GPR173: variants seen among roughly 807,000 people sequenced by gnomAD.
GPR173 encodes the protein probable G protein-coupled receptor 173.
Under a neutral mutation model 13.9 loss-of-function variants are expected in GPR173, and 2 were observed. The observed-to-expected ratio is 0.14, with a 90% confidence interval of 0.06 to 0.45. The LOEUF is 0.45. Among genes scored for constraint, GPR173 ranks in the 20% least tolerant of loss-of-function variants. GPR173 has a pLI of 0.98. For synonymous variants in GPR173, 131 were observed against 141.0 expected (o/e 0.93, Z 0.50); for missense variants, 202 against 340.5 (o/e 0.59, Z 3.20).
chrX:53,077,765 G>A lies in GPR173; in HGVS notation c.*22G>A. The A allele has an allele frequency of 8.5e-7, 1 of 1,175,823 alleles. No individual in the cohort carries two copies. Among genetic ancestry groups the A allele is most frequent in the South Asian group, 1.8e-5 (1 of 54,325 alleles). ...GTGAAGCAGGCTGGTAGGCAGACAG[G>A]CAGAGAGAAGGTCATGGCCACCGTG... On this transcript the variant is annotated 3_prime_UTR_variant, in exon 2 of 2. Transcript: ENST00000332582.
rs1556805987 is a variant in GPR173, at chrX:53,077,360, G to A, written c.739G>A (p.Ala247Thr). The A allele has an allele frequency of 1.7e-6, 2 of 1,196,529 alleles. No homozygotes were observed. The highest frequency in any genetic ancestry group is 3.6e-5 in the South Asian group (2 of 55,146). The change falls in exon 2 of 2, where the codon GCC becomes ACC. Residue 247 changes from alanine (A) to threonine (T), a missense_variant. By Grantham distance (58) the Ala-to-Thr change is moderately conservative (BLOSUM62 0). Transcript: ENST00000332582. ...ATGQAAANWI[A>T]GFGRGPMPPT... ...CGGCCAGGCTGCTGCCAACTGGATC[G>A]CCGGCTTTGGCCGTGGGCCCATGCC...
intron 1 of GPR173, among the ~76,000 whole-genome samples, chrX:53,063,851 T>A (rs1405000071): frequency 2.7e-5 from 3 of 111,435 alleles, no homozygotes. Flanking sequence ...GGAGACCTCA[T>A]CAAAATGGCC....
Position 53,049,063 on chromosome X carries a change from G to C in GPR173, c.-519G>C, listed in dbSNP as rs782016471. ...GGCGGCCAGCAGGCAGACGGAGGGG[G>C]GGGGTGGGGGGTGGGGGGGGTAGGG... On this transcript the variant is annotated 5_prime_UTR_variant, in exon 1 of 2. Transcript: ENST00000332582. 9.5e-6 allele frequency: 1 copy of C among 105,473 alleles called. No individual in the cohort carries two copies. The highest frequency in any genetic ancestry group is 3.2e-4 in the East Asian group (1 of 3,145). 8.7% of individuals were successfully genotyped at this position (105,473 alleles called of 1,213,427 possible). A position where few individuals can be genotyped will look rare whatever the true frequency, so the allele number is the denominator to read the frequency against.
chrX:53,049,935 GGTGTGTGTGTGT>G (rs782209160), intron 1 of GPR173, among the ~76,000 whole-genome samples: 76 of 93,010 alleles, frequency 8.2e-4, no homozygotes, highest in South Asian at 5.7e-3. Context: ...CTGCTGGCCG[GGTGTGTGTGTGT>G]GTGTGTGTGT....
Position 53,078,078 on chromosome X carries a change from C to A in GPR173, c.*335C>A. 3.8e-6 allele frequency: 1 copy of A among 259,759 alleles called. No individual in the cohort carries two copies. The highest frequency in any genetic ancestry group is 7.2e-6 in the Non-Finnish European group (1 of 139,777). The allele number at this position is 259,759 out of a possible 1,213,427, so 21.4% of individuals were successfully genotyped here. A position where few individuals can be genotyped will look rare whatever the true frequency, so the allele number is the denominator to read the frequency against. ...GACAATTCAGAAAAAGAAAAGAACA[C>A]TGAGAATGCAGGTTTTTCTACTAAC... is the stretch of plus-strand genomic sequence containing the variant. On this transcript the variant is annotated 3_prime_UTR_variant, in exon 2 of 2. Coordinates refer to ENST00000332582, the MANE Select transcript of GPR173 (RefSeq NM_018969.6).
intron 1 of GPR173, among the ~76,000 whole-genome samples, chrX:53,066,017 T>C (rs1932179693): frequency 9.0e-6 from 1 of 111,427 alleles, no homozygotes; most frequent in South Asian, 3.7e-4. Flanking sequence ...GGAGGATTGC[T>C]TGAGCCTGGG....
intron 1 of GPR173, among the ~76,000 whole-genome samples, chrX:53,056,063 TGA>T (rs1191636486): frequency 2.8e-5 from 3 of 108,651 alleles, no homozygotes; most frequent in Admixed American, 2.0e-4. Context: ...ATACTGTGTG[TGA>T]GAGAGAGAGA....
intron 1 of GPR173, among the ~76,000 whole-genome samples, chrX:53,073,979 T>TAAATAAATATAAATATATA (rs1932328681): frequency 3.9e-5 from 1 of 25,469 alleles, no homozygotes; most frequent in Non-Finnish European, 5.3e-5. Context: ...ATATTTATAT[T>TAAATAAATATAAATATATA]TATATATAAA....
intron 1 of GPR173, among the ~76,000 whole-genome samples, chrX:53,074,708 T>G (rs1441730265): frequency 1.1e-5 from 1 of 90,723 alleles, no homozygotes; most frequent in East Asian, 3.3e-4. Context: ...TATAAATATA[T>G]ATTTATATTT....
chrX:53,077,909 T>C lies in GPR173; in HGVS notation c.*166T>C. On this transcript the variant is annotated 3_prime_UTR_variant, in exon 2 of 2. Transcript: ENST00000332582. ...CACCTTTGCCAACACCTCCCAAGGA[T>C]GGAGGACTGGGCGAGGGACTGGGAA... The C allele has an allele frequency of 2.2e-6, 1 of 454,646 alleles. No homozygotes were observed. The highest frequency in any genetic ancestry group is 3.6e-5 in the South Asian group (1 of 27,986). 37.5% of individuals were successfully genotyped at this position (454,646 alleles called of 1,213,427 possible).
At chrX:53,061,655 A>G (rs1261508142) in intron 1 of GPR173, among the ~76,000 whole-genome samples, 1 of 111,922 alleles carries the variant, frequency 8.9e-6, no homozygotes, top group Admixed American at 9.6e-5. Flanking sequence ...GAAGAAAATT[A>G]AAATGCAGAA....
intron 1 of GPR173, among the ~76,000 whole-genome samples, chrX:53,066,182 C>T (rs1229156083): frequency 1.8e-5 from 2 of 111,652 alleles, no homozygotes; most frequent in Non-Finnish European, 3.8e-5. Context: ...AATGATGAAG[C>T]TTTTCCCCTA....
At chrX:53,052,561 G>C in intron 1 of GPR173, among the ~76,000 whole-genome samples, 1 of 108,411 alleles carries the variant, frequency 9.2e-6, no homozygotes, top group East Asian at 2.9e-4. Flanking sequence ...ATGCCTGCCT[G>C]TCCATACACA....
At chrX:53,074,667 T>C (rs1556805562) in intron 1 of GPR173, among the ~76,000 whole-genome samples, 1 of 83,718 alleles carries the variant, frequency 1.2e-5, no homozygotes, top group African/African-American at 4.9e-5. Context: ...TAGATTTATA[T>C]ATATTTATTT....
rs781873090 is a variant in GPR173 at position 53,076,726 on chromosome X, G to A, written c.105G>A (p.Val35=). 8.3e-6 allele frequency: 10 copies of A among 1,209,313 alleles called. No individual in the cohort carries two copies. In the African/African-American group the frequency reaches 1.2e-4, roughly 15 times the overall value. ...TACTGCTGGGACTGATTATGTGCGTGAGCCTGGCGGGTAACGCCATCTTGT... is the reference window on the plus strand; with the variant it reads ...TACTGCTGGGACTGATTATGTGCGTAAGCCTGGCGGGTAACGCCATCTTGT... ...KLVLLGLIMC[V]SLAGNAILSL... is the part of the protein sequence containing the mutation. The change falls in exon 2 of 2, where the codon GTG becomes GTA. Residue 35 remains valine (V), a synonymous_variant. Transcript: ENST00000332582.
chrX:53,063,387 TC>T (rs1184250067), intron 1 of GPR173, among the ~76,000 whole-genome samples: 1 of 109,926 alleles, frequency 9.1e-6, no homozygotes, highest in Non-Finnish European at 1.9e-5. Flanking sequence ...AATGCTCAAG[TC>T]CTAGGGGTAC....
intron 1 of GPR173, among the ~76,000 whole-genome samples, chrX:53,059,026 G>C (rs940162451): frequency 8.3e-5 from 9 of 108,528 alleles, no homozygotes; most frequent in African/African-American, 3.0e-4. Flanking sequence ...GAGGCGGGCG[G>C]ATCACGAGGT....
intron 1 of GPR173, among the ~76,000 whole-genome samples, chrX:53,072,796 G>A (rs1222506436): frequency 8.9e-6 from 1 of 111,759 alleles, no homozygotes; most frequent in Non-Finnish European, 1.9e-5. Flanking sequence ...CTGTTCCACA[G>A]TCTGAGGGGG....
rs1932517539 is a variant in GPR173, at chrX:53,080,394, C to T, written c.*2651C>T. On this transcript the variant is annotated 3_prime_UTR_variant, in exon 2 of 2. Transcript: ENST00000332582. ...CTTGGCACACTATATCATCATTGGT[C>T]CATGTGAGGCCCTTTTATTTTTTTT... The T allele has an allele frequency of 8.2e-6, 1 of 121,648 alleles. No homozygotes were observed. The highest frequency in any genetic ancestry group is 1.9e-5 in the Non-Finnish European group (1 of 52,893). 10.0% of individuals were successfully genotyped at this position (121,648 alleles called of 1,213,427 possible).
Sources: allele counts gnomAD v4.1 joint callset (sites outside exome capture counted in the v4.1 genomes callset), GRCh38; gene constraint gnomAD v4.1.1; transcripts MANE v1.5; gene names NCBI Gene and HGNC (gene_info 2026-07-23, HGNC 2026-07-21).